Variants in ARFGEF1 observed in about 807,000 individuals in gnomAD.
ARFGEF1 encodes the protein brefeldin A-inhibited guanine nucleotide-exchange protein 1.
In ARFGEF1, 42 loss-of-function variants were observed where a neutral mutation model predicts 231.0. The ratio of observed to expected loss-of-function variants is 0.18; its 90% confidence interval spans 0.14 to 0.24. The LOEUF is 0.24. Ranked by LOEUF, ARFGEF1 falls within the 10% of genes least tolerant of loss-of-function variation. ARFGEF1 has a pLI of 1.00. For synonymous variants in ARFGEF1, 710 were observed against 732.3 expected (o/e 0.97, Z 0.49); for missense variants, 1,345 against 2,192.0 (o/e 0.61, Z 7.72).
At chr8:67,286,125 T>C (rs950912973) in intron 7 of ARFGEF1, among the ~76,000 whole-genome samples, 3 of 152,224 alleles carry the variant, frequency 2.0e-5, no homozygotes, top group African/African-American at 7.2e-5. Context: ...AATGCTCTTA[T>C]TGGAGAAGAT....
At chr8:67,275,578 T>C (rs960290268) in intron 9 of ARFGEF1, among the ~76,000 whole-genome samples, 1 of 152,090 alleles carries the variant, frequency 6.6e-6, no homozygotes, top group African/African-American at 2.4e-5. Context: ...AGGGTTACAT[T>C]AGCTCCAAAG....
In ARFGEF1 at chr8:67,198,964, A is replaced by G; in HGVS notation, c.5520T>C (p.Pro1840=). The G allele has an allele frequency of 6.2e-7, 1 of 1,613,496 alleles. No individual in the cohort carries two copies. The highest frequency in any genetic ancestry group is 8.5e-7 in the Non-Finnish European group (1 of 1,179,832). The change falls in exon 39 of 39, where the codon CCT becomes CCC. Residue 1840 remains proline, a synonymous_variant. Coordinates refer to ENST00000262215, the MANE Select transcript of ARFGEF1 (RefSeq NM_006421.5). ...GCTTGTTTATTCCAAGTTCCTGTTCAGGTGGTTGTGATATCTGAAAAACTA... is the reference window on the plus strand; with the variant it reads ...GCTTGTTTATTCCAAGTTCCTGTTCGGGTGGTTGTGATATCTGAAAAACTA... ...IGVVFQISQP[P]EQELGINKQ is the part of the protein sequence containing the mutation.
At chr8:67,234,346 A>T (rs1363498713) in intron 22 of ARFGEF1, among the ~76,000 whole-genome samples, 1 of 152,188 alleles carries the variant, frequency 6.6e-6, no homozygotes, top group Non-Finnish European at 1.5e-5. Context: ...ATAGAATAAA[A>T]GTTTGCTAAA....
chr8:67,310,895 A>T (rs1563907903), intron 1 of ARFGEF1, among the ~76,000 whole-genome samples: 2 of 141,148 alleles, frequency 1.4e-5, no homozygotes, highest in Non-Finnish European at 3.1e-5. Flanking sequence ...GAGCCTCTCC[A>T]CCCGGCAGCC....
intron 5 of ARFGEF1, among the ~76,000 whole-genome samples, chr8:67,184,223 A>T (rs1281293605): frequency 6.6e-6 from 1 of 152,224 alleles, no homozygotes; most frequent in African/African-American, 2.4e-5. Context: ...AAGTAGAAAG[A>T]TCTAAAATCA....
intron 32 of ARFGEF1, among the ~76,000 whole-genome samples, chr8:67,217,453 G>C (rs1417501583): frequency 6.6e-6 from 1 of 152,026 alleles, no homozygotes; most frequent in Non-Finnish European, 1.5e-5. Flanking sequence ...GAAACAGGCT[G>C]AGATTTTTTT....
chr8:67,248,517 A>C (rs1320583999), intron 19 of ARFGEF1, among the ~76,000 whole-genome samples: 1 of 150,510 alleles, frequency 6.6e-6, no homozygotes, highest in Admixed American at 6.6e-5. Context: ...TACATCTAAG[A>C]CCTCAAACTA....
At chr8:67,299,448 A>G in intron 3 of ARFGEF1, 93 bp from the exon 4 acceptor site, 1 of 1,165,974 alleles carries the variant, frequency 8.6e-7, no homozygotes, top group Non-Finnish European at 1.2e-6. Context: ...TATACAATTG[A>G]ATATACATAA....
chr8:67,284,276 C>T (rs575435313), intron 7 of ARFGEF1, among the ~76,000 whole-genome samples: 115 of 152,080 alleles, frequency 7.6e-4, no homozygotes, highest in African/African-American at 2.7e-3. Context: ...ATAAAAAACG[C>T]CTTTGCTTAC....
At chr8:67,278,832 A>C (rs182659170) in intron 7 of ARFGEF1, among the ~76,000 whole-genome samples, 4 of 152,332 alleles carry the variant, frequency 2.6e-5, no homozygotes, top group Admixed American at 2.6e-4. Flanking sequence ...ATAACATGAA[A>C]AATATATTCA....
intron 4 of ARFGEF1, among the ~76,000 whole-genome samples, chr8:67,298,493 G>A (rs1179107926): frequency 2.6e-5 from 4 of 152,196 alleles, no homozygotes; most frequent in Non-Finnish European, 4.4e-5. Flanking sequence ...CTGGTAATTT[G>A]TGAGTTGAGA....
downstream of ARFGEF1, chr8:67,193,474 G>A (rs775362535): frequency 6.2e-6 from 10 of 1,612,762 alleles, no homozygotes; most frequent in East Asian, 2.2e-5. Context: ...GATAGCAGTC[G>A]TCCTAATGTA....
At chr8:67,218,426 C>T (rs914420416) in intron 30 of ARFGEF1, among the ~76,000 whole-genome samples, 2 of 151,268 alleles carry the variant, frequency 1.3e-5, no homozygotes, top group Admixed American at 6.6e-5. Context: ...AAACCATCAC[C>T]GTATCATCTT....
intron 14 of ARFGEF1, 72 bp from the exon 15 acceptor site, chr8:67,259,998 G>T: frequency 9.9e-7 from 1 of 1,012,956 alleles, no homozygotes; most frequent in South Asian, 1.6e-5. Flanking sequence ...TTAAACCACA[G>T]TAAATTTTCT....
chr8:67,285,170 T>C (rs1474915292), intron 7 of ARFGEF1, among the ~76,000 whole-genome samples: 1 of 151,904 alleles, frequency 6.6e-6, no homozygotes, highest in Non-Finnish European at 1.5e-5. Context: ...AATTAGAAAA[T>C]TGCTATATTG....
At chr8:67,204,001 ACAGT>A (rs1838424714) in intron 35 of ARFGEF1, among the ~76,000 whole-genome samples, 2 of 152,160 alleles carry the variant, frequency 1.3e-5, no homozygotes, top group African/African-American at 2.4e-5. Context: ...TCTCTTGCCT[ACAGT>A]CAGTTTTTCT....
intron 7 of ARFGEF1, among the ~76,000 whole-genome samples, chr8:67,287,750 T>C (rs1805820300): frequency 6.6e-6 from 1 of 152,244 alleles, no homozygotes; most frequent in African/African-American, 2.4e-5. Context: ...GTTCTGGTCA[T>C]TTCATTTCTC....
downstream of ARFGEF1, chr8:67,173,768 T>C (rs1830961121): frequency 6.6e-6 from 1 of 152,292 alleles, no homozygotes; most frequent in Non-Finnish European, 1.5e-5. Flanking sequence ...CTATCAAATA[T>C]TGATTACTTA....
chr8:67,301,457 A>G, intron 2 of ARFGEF1, 77 bp from the exon 3 acceptor site: 1 of 1,441,484 alleles, frequency 6.9e-7, no homozygotes, highest in Non-Finnish European at 9.3e-7. Context: ...GAAACACAGA[A>G]TTTCAGTTCT....
Sources: allele counts gnomAD v4.1 joint callset (sites outside exome capture counted in the v4.1 genomes callset), GRCh38; gene constraint gnomAD v4.1.1; transcripts MANE v1.5; gene names NCBI Gene and HGNC (gene_info 2026-07-23, HGNC 2026-07-21).